BIRC6: variants seen among roughly 807,000 people sequenced by gnomAD.
The protein encoded by BIRC6 is baculoviral IAP repeat containing 6, also known as dual E2 ubiquitin-conjugating enzyme/E3 ubiquitin-protein ligase BIRC6.
BIRC6 carries 98 observed loss-of-function variants against 503.3 expected under a neutral mutation model. The ratio of observed to expected loss-of-function variants is 0.19; its 90% CI spans 0.17 to 0.23. The LOEUF (loss-of-function observed/expected upper bound fraction) is 0.23, where lower values mean the gene tolerates loss of function less well. BIRC6 is among the 10% of genes least tolerant of loss of function. The pLI is 1.00. For synonymous variants in BIRC6, 2,240 were observed against 2,078.7 expected, an observed-to-expected ratio of 1.08 and a Z score of -2.11; for missense variants, 5,360 against 5,806.0, an observed-to-expected ratio of 0.92 and a Z score of 2.50.
chr2:32,445,691 T>G, intron 21 of BIRC6, 23 bp downstream of exon 21: 1 of 1,458,976 alleles, frequency 6.9e-7, no homozygotes, highest in Non-Finnish European at 9.1e-7. Context: ...ATCTAATGAC[T>G]AATAATAGGC....
intron 57 of BIRC6, chr2:32,522,196 T>C (rs2055800287): frequency 6.6e-6 from 1 of 152,002 alleles, no homozygotes; most frequent in African/African-American, 2.4e-5. Flanking sequence ...TTCTTGAACA[T>C]AGTAGTCTGT....
At chr2:32,533,984 G>A (rs544875001) in intron 61 of BIRC6, among the ~76,000 whole-genome samples, 230 of 152,256 alleles carry the variant, frequency 1.5e-3, no homozygotes, top group African/African-American at 5.1e-3. Flanking sequence ...TTTGGTGTCA[G>A]GATACTACTA....
chr2:32,493,377 A>G (rs931027119), intron 44 of BIRC6, among the ~76,000 whole-genome samples, 163 bp from the exon 45 acceptor site: 4 of 152,092 alleles, frequency 2.6e-5, no homozygotes. Flanking sequence ...ATACATCAAG[A>G]CCTAAAAAAT....
chr2:32,468,206 G>T lies in BIRC6; in HGVS notation c.5780+95G>T, dbSNP rs931938646. On this transcript the variant is annotated intron_variant, in intron 28 of 73. Coordinates refer to ENST00000421745, the MANE Select transcript of BIRC6 (RefSeq NM_016252.4). Reference sequence around the variant, plus strand: ...TGTCAAGAAATGTCTTTTCATAGGTGTACAGATAAGAGAGCAAGAGGAAGT... The same window carrying T: ...TGTCAAGAAATGTCTTTTCATAGGTTTACAGATAAGAGAGCAAGAGGAAGT... 46 of 1,286,468 alleles carry T rather than the reference G, an allele frequency of 3.6e-5. No homozygotes were observed. The African/African-American group carries it at 6.2e-4, about 17-fold the overall frequency. The allele number at this position is 1,286,468 out of a possible 1,614,324, so 79.7% of individuals were successfully genotyped here.
At chr2:32,470,135 T>C in intron 30 of BIRC6, 33 bp from the exon 31 acceptor site, 1 of 1,426,044 alleles carries the variant, frequency 7.0e-7, no homozygotes, top group African/African-American at 1.5e-5. Flanking sequence ...AATTGATTCT[T>C]ATTCTTTTCT....
intron 55 of BIRC6, among the ~76,000 whole-genome samples, chr2:32,516,409 G>A (rs573635914): frequency 2.0e-5 from 3 of 151,966 alleles, no homozygotes; most frequent in East Asian, 1.9e-4. Flanking sequence ...CCAGCTACTC[G>A]GGAGGCTGAG....
intron 57 of BIRC6, 54 bp from the exon 58 acceptor site, chr2:32,524,834 T>A: frequency 8.7e-7 from 1 of 1,153,514 alleles, no homozygotes; most frequent in Non-Finnish European, 1.2e-6. Context: ...ATATATTACT[T>A]CTCTTCTTAA....
chr2:32,495,864 G>A (rs899737427), intron 45 of BIRC6, among the ~76,000 whole-genome samples: 1 of 144,124 alleles, frequency 6.9e-6, no homozygotes, highest in African/African-American at 2.6e-5. Context: ...TTGAGACGGA[G>A]TCTCTCTCTG....
At chr2:32,371,225 A>G (rs1394038127) in intron 1 of BIRC6, among the ~76,000 whole-genome samples, 1 of 150,308 alleles carries the variant, frequency 6.7e-6, no homozygotes, top group East Asian at 1.9e-4. Flanking sequence ...CAAAAAAAAA[A>G]AAAAAAAAAA....
At chr2:32,432,874 A>ATT (rs1432339545) in intron 12 of BIRC6, among the ~76,000 whole-genome samples, 1 of 152,120 alleles carries the variant, frequency 6.6e-6, no homozygotes, top group Non-Finnish European at 1.5e-5. Context: ...TGACTTCTGT[A>ATT]TTTAGAATGA....
chr2:32,430,122 A>G (rs141815802), intron 11 of BIRC6, among the ~76,000 whole-genome samples: 177 of 152,276 alleles, frequency 1.2e-3, no homozygotes, highest in African/African-American at 4.0e-3. Flanking sequence ...AACTTGTAAT[A>G]ATTTTATAGA....
chr2:32,552,462 C>G (rs886468380), intron 65 of BIRC6, among the ~76,000 whole-genome samples: 7 of 152,150 alleles, frequency 4.6e-5, no homozygotes, highest in Non-Finnish European at 8.8e-5. Context: ...AATTGATCTT[C>G]AGTTTTAGTT....
intron 4 of BIRC6, among the ~76,000 whole-genome samples, chr2:32,390,877 T>C (rs1368712133): frequency 6.6e-6 from 1 of 152,234 alleles, no homozygotes; most frequent in East Asian, 1.9e-4. Flanking sequence ...ATATATAACT[T>C]TTATTAGTCG....
rs759591532 is a variant in BIRC6 at position 32,490,280 on chromosome 2, G to T, written c.8206+129G>T. The T allele has an allele frequency of 5.2e-6, 4 of 765,664 alleles. 1 individual carries two copies. The South Asian group carries it at 5.4e-5, about 10-fold the overall frequency. The allele number at this position is 765,664 out of a possible 1,614,324, so 47.4% of individuals were successfully genotyped here. A position where few individuals can be genotyped will look rare whatever the true frequency, so the allele number is the denominator to read the frequency against. On this transcript the variant is annotated intron_variant, in intron 43 of 73. Transcript: ENST00000421745. ...GTGGTTGAGTTGGCCAGATGTGGTG[G>T]CTCACGCCTGTAAACCCAGCACTTT...
At chr2:32,599,687 A>G (rs1229889894) in intron 69 of BIRC6, 52 bp from the exon 70 acceptor site, 1 of 1,525,130 alleles carries the variant, frequency 6.6e-7, no homozygotes, top group Non-Finnish European at 9.0e-7. Context: ...TTTTCTAAAT[A>G]TCAGTGTTTA....
At position 32,491,448 on chromosome 2, in the gene BIRC6, A is replaced by G. The variant is rs2051695106; in HGVS notation, c.8230A>G (p.Thr2744Ala). The change falls in exon 44 of 74, where the codon ACT becomes GCT. Residue 2744 changes from threonine (T) to alanine (A), a missense_variant. Thr to Ala is a moderately conservative substitution (Grantham distance 58). Transcript: ENST00000421745. ...AGCTGGTTCCAGCAGTGCCATTGGAACTCAGGAGAGTACTGCTCATTTGTT... is the reference window on the plus strand; with the variant it reads ...AGCTGGTTCCAGCAGTGCCATTGGAGCTCAGGAGAGTACTGCTCATTTGTT... ...LNSGSSSAIG[T>A]QESTAHLLVS... The G allele has an allele frequency of 3.1e-6, 5 of 1,612,422 alleles. No individual in the cohort carries two copies. The highest frequency in any genetic ancestry group is 4.2e-6 in the Non-Finnish European group (5 of 1,179,312).
chr2:32,597,725 G>T lies in BIRC6; in HGVS notation c.13613-26G>T, dbSNP rs751839167. 5.8e-6 allele frequency: 9 copies of T among 1,561,092 alleles called. No homozygotes were observed. In the East Asian group the frequency reaches 1.8e-4, roughly 31 times the overall value. Reference sequence around the variant, plus strand: ...ATTATAACAATTTTTTGCAGTTCTGGGTTTTATTTTTTCTTCTCCTTTTAG... The same window carrying T: ...ATTATAACAATTTTTTGCAGTTCTGTGTTTTATTTTTTCTTCTCCTTTTAG... On this transcript the variant is annotated intron_variant, in intron 68 of 73. Coordinates refer to ENST00000421745, the MANE Select transcript of BIRC6 (RefSeq NM_016252.4).
chr2:32,482,757 C>T (rs984482538), intron 39 of BIRC6, among the ~76,000 whole-genome samples, 175 bp downstream of exon 39: 1 of 152,018 alleles, frequency 6.6e-6, no homozygotes, highest in Non-Finnish European at 1.5e-5. Context: ...AGAGGAACTT[C>T]TATCTTTTTG....
chr2:32,455,622 G>A (rs772002277), intron 23 of BIRC6, among the ~76,000 whole-genome samples: 4 of 152,002 alleles, frequency 2.6e-5, no homozygotes, highest in Admixed American at 6.6e-5. Context: ...GTGAGACTCC[G>A]TCTCAAAAAG....
Sources: gnomAD v4.1 joint callset for allele counts (sites outside exome capture counted in the v4.1 genomes callset) on GRCh38, gnomAD v4.1.1 for gene constraint, MANE v1.5 for transcripts, NCBI Gene and HGNC (gene_info 2026-07-23, HGNC 2026-07-21) for gene names.